DDX19B: variants seen among roughly 807,000 people sequenced by gnomAD.
DDX19B encodes ATP-dependent RNA helicase DDX19B.
Under a neutral mutation model 58.1 loss-of-function variants are expected in DDX19B, and 27 were observed. The observed-to-expected ratio is 0.46, with a 90% CI of 0.34 to 0.64. DDX19B has a LOEUF of 0.64. DDX19B is among the 30% of genes least tolerant of loss of function. DDX19B has a pLI of 0.01. For missense variants in DDX19B, 399 were observed against 596.5 expected, an observed-to-expected ratio of 0.67 and a Z score of 3.45; for synonymous variants, 187 against 214.4, an observed-to-expected ratio of 0.87 and a Z score of 1.12.
chr16:70,298,458 C>T (rs1281769529), upstream of DDX19B, among the ~76,000 whole-genome samples: 1 of 151,854 alleles, frequency 6.6e-6, no homozygotes, highest in Non-Finnish European at 1.5e-5. Flanking sequence ...GCCACCACAC[C>T]TAGCTCTATT....
At chr16:70,311,332 A>G (rs918733519) in intron 1 of DDX19B, among the ~76,000 whole-genome samples, 19 of 152,284 alleles carry the variant, frequency 1.2e-4, no homozygotes, top group African/African-American at 4.3e-4. Flanking sequence ...GTGAGCTGAG[A>G]TCGCGCCCCT....
chr16:70,326,042 G>A (rs1245614468), intron 7 of DDX19B, among the ~76,000 whole-genome samples: 1 of 152,058 alleles, frequency 6.6e-6, no homozygotes, highest in Non-Finnish European at 1.5e-5. Flanking sequence ...TTGGTTTTTC[G>A]ACCAAGATCA....
At chr16:70,299,127 CA>C, upstream of DDX19B, 2 of 1,354,862 alleles carry the variant, frequency 1.5e-6, no homozygotes, top group Non-Finnish European at 1.9e-6. Flanking sequence ...CTCAAGTGGG[CA>C]AAGGGTGGCC....
intron 1 of DDX19B, among the ~76,000 whole-genome samples, chr16:70,305,649 G>C (rs1449069415): frequency 2.0e-5 from 3 of 151,870 alleles, no homozygotes; most frequent in Non-Finnish European, 4.4e-5. Flanking sequence ...AATATCTCAA[G>C]GCACAATATA....
At chr16:70,293,067 G>A (rs1037183762), upstream of DDX19B, among the ~76,000 whole-genome samples, 2 of 151,148 alleles carry the variant, frequency 1.3e-5, no homozygotes, top group Non-Finnish European at 2.9e-5. Flanking sequence ...GAGACAAGAG[G>A]GAAACTCTGT....
chr16:70,314,429 A>C (rs1597477580), intron 2 of DDX19B, among the ~76,000 whole-genome samples: 3 of 151,990 alleles, frequency 2.0e-5, no homozygotes, highest in African/African-American at 7.2e-5. Context: ...TTGGGAGGCC[A>C]AGGCAGGCGG....
At chr16:70,327,274 C>A (rs956900694) in intron 7 of DDX19B, among the ~76,000 whole-genome samples, 6 of 151,882 alleles carry the variant, frequency 4.0e-5, no homozygotes, top group Middle Eastern at 3.2e-3. Flanking sequence ...GTGGCTCATG[C>A]CTGTAATCCC....
intron 9 of DDX19B, among the ~76,000 whole-genome samples, 191 bp downstream of exon 9, chr16:70,330,259 A>G (rs1963417321): frequency 6.6e-6 from 1 of 152,226 alleles, no homozygotes; most frequent in Admixed American, 6.5e-5. Flanking sequence ...AACCCCAAGT[A>G]ACAGCCAATG....
At chr16:70,309,755 T>C (rs1961981228) in intron 1 of DDX19B, among the ~76,000 whole-genome samples, 1 of 126,994 alleles carries the variant, frequency 7.9e-6, no homozygotes, top group Admixed American at 1.0e-4. Flanking sequence ...GAGGCGGAGG[T>C]TGCAGTGAGC....
chr16:70,322,881 A>G (rs1406287342), intron 5 of DDX19B, among the ~76,000 whole-genome samples: 3 of 147,634 alleles, frequency 2.0e-5, no homozygotes, highest in Admixed American at 6.8e-5. Context: ...ACAACAGTGA[A>G]ACTCCGTTGC....
chr16:70,293,447 C>A (rs865911317), upstream of DDX19B, among the ~76,000 whole-genome samples: 13 of 147,144 alleles, frequency 8.8e-5, no homozygotes, highest in African/African-American at 2.5e-4. Flanking sequence ...GAAATGGAAA[C>A]AAGTGGAAAA....
chr16:70,291,540 G>A (rs780016611), upstream of DDX19B, among the ~76,000 whole-genome samples: 5 of 152,160 alleles, frequency 3.3e-5, no homozygotes, highest in Non-Finnish European at 7.4e-5. Context: ...CTAGCGTGGT[G>A]ACTCATGCCT....
intron 1 of DDX19B, among the ~76,000 whole-genome samples, chr16:70,311,779 T>C (rs1012102190): frequency 6.6e-6 from 1 of 152,200 alleles, no homozygotes; most frequent in African/African-American, 2.4e-5. Context: ...ACTGTGGTCT[T>C]ACGGCTCTAA....
chr16:70,329,164 A>C, intron 7 of DDX19B, 128 bp from the exon 8 acceptor site: 1 of 1,268,318 alleles, frequency 7.9e-7, no homozygotes, highest in Non-Finnish European at 1.1e-6. Flanking sequence ...CAGAGGTTGC[A>C]GTGAGTCGAG....
intron 7 of DDX19B, among the ~76,000 whole-genome samples, chr16:70,328,658 CG>C (rs1257465473): frequency 6.6e-6 from 1 of 151,734 alleles, no homozygotes; most frequent in Non-Finnish European, 1.5e-5. Flanking sequence ...CCACCGTGCC[CG>C]GCCCTTTTAG....
chr16:70,299,020 A>G, upstream of DDX19B: 1 of 679,772 alleles, frequency 1.5e-6, no homozygotes, highest in Non-Finnish European at 2.1e-6. Flanking sequence ...AGTTAACCAG[A>G]GCTTAGGCAT....
intron 5 of DDX19B, among the ~76,000 whole-genome samples, chr16:70,323,386 A>G (rs953059144): frequency 6.6e-6 from 1 of 150,872 alleles, no homozygotes; most frequent in Non-Finnish European, 1.5e-5. Flanking sequence ...GATTGCAGGC[A>G]TGAGCCACTG....
At position 70,314,973 on chromosome 16, in the gene DDX19B, C is replaced by T; in HGVS notation, c.160+18C>T. 1 of 1,605,112 alleles carries T rather than the reference C, an allele frequency of 6.2e-7. No individual in the cohort carries two copies. The highest frequency in any genetic ancestry group is 1.1e-5 in the South Asian group (1 of 90,998). ...AGAGAAAGGTAACACAGCCGTGGAG[C>T]TTTATATAATAACAAGCTTCTACAT... On this transcript the variant is annotated intron_variant, in intron 3 of 11. Coordinates refer to ENST00000288071, the MANE Select transcript of DDX19B (RefSeq NM_007242.7).
chr16:70,319,102 TCAAA>T (rs750279152), intron 5 of DDX19B, among the ~76,000 whole-genome samples: 59 of 152,272 alleles, frequency 3.9e-4, no homozygotes, highest in Admixed American at 6.5e-4. Flanking sequence ...AGACTCCATC[TCAAA>T]CAAACAAACA....
Sources: gnomAD v4.1 joint callset for allele counts (sites outside exome capture counted in the v4.1 genomes callset) on GRCh38, gnomAD v4.1.1 for gene constraint, MANE v1.5 for transcripts, NCBI Gene and HGNC (gene_info 2026-07-23, HGNC 2026-07-21) for gene names.